Variants in ZC3H6 observed in about 807,000 individuals in gnomAD.
The protein encoded by ZC3H6 is zinc finger CCCH domain-containing protein 6.
In ZC3H6, 40 loss-of-function variants were observed where a neutral mutation model predicts 107.7. The ratio of observed to expected loss-of-function variants is 0.37; its 90% confidence interval spans 0.29 to 0.48. ZC3H6 has a LOEUF of 0.48. ZC3H6 is among the 20% of genes least tolerant of loss of function. The pLI is 0.98. For missense variants in ZC3H6, 1,267 were observed against 1,410.4 expected (o/e 0.90, Z 1.63); for synonymous variants, 493 against 487.9 (o/e 1.01, Z -0.14).
Position 112,275,725 on chromosome 2 carries a change from G to A in ZC3H6, c.-270G>A. On this transcript the variant is annotated 5_prime_UTR_variant, in exon 1 of 12. Coordinates refer to ENST00000409871, the MANE Select transcript of ZC3H6 (RefSeq NM_198581.3). ...CGCTCCCACGCCACAGCCACCGGCGGCGAATAGAGACTAGAGCGGCAGCGC... is the reference window on the plus strand; with the variant it reads ...CGCTCCCACGCCACAGCCACCGGCGACGAATAGAGACTAGAGCGGCAGCGC... The A allele has an allele frequency of 2.4e-6, 1 of 414,078 alleles. No homozygotes were observed. The allele number at this position is 414,078 out of a possible 1,614,324, so 25.7% of individuals were successfully genotyped here. A position where few individuals can be genotyped will look rare whatever the true frequency, so the allele number is the denominator to read the frequency against.
intron 8 of ZC3H6, among the ~76,000 whole-genome samples, chr2:112,322,209 C>CG (rs1419869651): frequency 1.3e-5 from 2 of 149,866 alleles, no homozygotes; most frequent in Non-Finnish European, 3.0e-5. Context: ...CTCTCTCTCT[C>CG]TGTCTCTTTT....
chr2:112,287,495 T>C (rs1202165073), intron 1 of ZC3H6, among the ~76,000 whole-genome samples: 9 of 152,242 alleles, frequency 5.9e-5, no homozygotes, highest in Non-Finnish European at 1.5e-5. Context: ...ATTTAAAAAT[T>C]CTTAATTTTC....
At chr2:112,276,851 G>A (rs965725187) in intron 1 of ZC3H6, among the ~76,000 whole-genome samples, 2 of 151,986 alleles carry the variant, frequency 1.3e-5, no homozygotes, top group Non-Finnish European at 2.9e-5. Context: ...GCGAAAGGGG[G>A]GCTTTCATTC....
chr2:112,339,180 C>T lies in ZC3H6; in HGVS notation c.*6692C>T, dbSNP rs1363882410. 6.6e-6 allele frequency: 1 copy of T among 151,998 alleles called. No individual in the cohort carries two copies. The highest frequency in any genetic ancestry group is 1.5e-5 in the Non-Finnish European group (1 of 67,992). The allele number at this position is 151,998 out of a possible 1,614,324, so 9.4% of individuals were successfully genotyped here. ...AAGTGCTGGCCTTACAGGCATGAGC[C>T]ACCACACCTGGCCTAGACTATACCT... On this transcript the variant is annotated 3_prime_UTR_variant, in exon 12 of 12. Coordinates refer to ENST00000409871, the MANE Select transcript of ZC3H6 (RefSeq NM_198581.3).
intron 11 of ZC3H6, among the ~76,000 whole-genome samples, chr2:112,328,405 A>T (rs919337085): frequency 1.3e-5 from 2 of 152,150 alleles, no homozygotes; most frequent in African/African-American, 4.8e-5. Flanking sequence ...ACTGCATTGA[A>T]TCTGTAGATT....
intron 9 of ZC3H6, 143 bp downstream of exon 9, chr2:112,323,045 C>T (rs1246182296): frequency 1.1e-6 from 1 of 910,556 alleles, no homozygotes; most frequent in Non-Finnish European, 1.6e-6. Flanking sequence ...ATTGTTGCTT[C>T]CACCTTTGTT....
intron 1 of ZC3H6, among the ~76,000 whole-genome samples, chr2:112,297,867 T>C (rs1573952693): frequency 6.6e-6 from 1 of 152,106 alleles, no homozygotes; most frequent in East Asian, 1.9e-4. Context: ...GTAATCCCGG[T>C]ATTTTGGGAG....
rs961384065 is a variant in ZC3H6 at position 112,332,547 on chromosome 2, T to C, written c.*59T>C. On this transcript the variant is annotated 3_prime_UTR_variant, in exon 12 of 12. Coordinates refer to ENST00000409871, the MANE Select transcript of ZC3H6 (RefSeq NM_198581.3). ...GTGACTATCTCAGTCCTCTGCTGTT[T>C]TGTAACTGGTTTACCTCTATAGTTT... 2.0e-6 allele frequency: 3 copies of C among 1,491,022 alleles called. No individual in the cohort carries two copies. Among genetic ancestry groups the C allele is most frequent in the Non-Finnish European group, 2.7e-6 (3 of 1,109,356 alleles). 92.4% of individuals were successfully genotyped at this position (1,491,022 alleles called of 1,614,324 possible). A position where few individuals can be genotyped will look rare whatever the true frequency, so the allele number is the denominator to read the frequency against.
At position 112,309,951 on chromosome 2, in the gene ZC3H6, AAAG is replaced by A. The variant is rs766934298; in HGVS notation, c.406_408del (p.Glu136del). On this transcript the variant is annotated inframe_deletion, in exon 4 of 12. Coordinates refer to ENST00000409871, the MANE Select transcript of ZC3H6 (RefSeq NM_198581.3). ...TCAACATAACAAAAAATTTAAAAGT[AAAG>A]AATATGATGAGTACAGCACCTACAG... 4.5e-4 allele frequency: 724 copies of A among 1,607,698 alleles called. 2 individuals carry two copies. The highest frequency in any genetic ancestry group is 4.3e-4 in the Non-Finnish European group (509 of 1,176,646).
intron 11 of ZC3H6, among the ~76,000 whole-genome samples, chr2:112,327,888 T>C: frequency 6.6e-6 from 1 of 152,032 alleles, no homozygotes; most frequent in Non-Finnish European, 1.5e-5. Flanking sequence ...TTTTGTTAGT[T>C]CATTTTTTTG....
chr2:112,330,005 G>A (rs185930887), intron 11 of ZC3H6, among the ~76,000 whole-genome samples: 5 of 151,958 alleles, frequency 3.3e-5, no homozygotes, highest in Admixed American at 1.3e-4. Context: ...TAGGCTTTAA[G>A]AGTAAGACTC....
intron 1 of ZC3H6, among the ~76,000 whole-genome samples, chr2:112,287,697 G>A (rs1198120915): frequency 2.0e-5 from 3 of 152,192 alleles, no homozygotes; most frequent in African/African-American, 4.8e-5. Context: ...CACCTCCCGG[G>A]TTCACGCTAT....
chr2:112,285,322 C>T (rs999422318), intron 1 of ZC3H6, among the ~76,000 whole-genome samples: 1 of 151,800 alleles, frequency 6.6e-6, no homozygotes, highest in Non-Finnish European at 1.5e-5. Context: ...ATGTAAAACA[C>T]CTCAAATTGG....
rs369171349 is a variant in ZC3H6 at position 112,331,074 on chromosome 2, C to T, written c.2156C>T (p.Thr719Ile). The T allele has an allele frequency of 6.9e-6, 11 of 1,597,468 alleles. No individual in the cohort carries two copies. The highest frequency in any genetic ancestry group is 2.3e-5 in the East Asian group (1 of 44,342). ...AGCAGTGTCAAATCAATACTGAAAACATTACAGAAACAAACAGAAACTTTA... is the reference window on the plus strand; with the variant it reads ...AGCAGTGTCAAATCAATACTGAAAATATTACAGAAACAAACAGAAACTTTA... The part of the protein sequence containing the change: ...EGSSVKSILK[T>I]LQKQTETLRN... The change falls in exon 12 of 12, where the codon ACA becomes ATA. Residue 719 changes from threonine (T) to isoleucine (I), a missense_variant. Physicochemically the swap from Thr to Ile is moderately conservative, Grantham distance 89 (BLOSUM62 -1). Coordinates refer to ENST00000409871, the MANE Select transcript of ZC3H6 (RefSeq NM_198581.3).
At chr2:112,318,096 T>G (rs1393086191) in intron 7 of ZC3H6, among the ~76,000 whole-genome samples, 1 of 152,208 alleles carries the variant, frequency 6.6e-6, no homozygotes, top group Non-Finnish European at 1.5e-5. Flanking sequence ...CTGATGTTTA[T>G]TTTTCCAGAT....
Position 112,322,793 on chromosome 2 carries a change from C to T in ZC3H6, c.1231C>T (p.Pro411Ser), listed in dbSNP as rs755027834. The change falls in exon 9 of 12, where the codon CCT becomes TCT. Residue 411 changes from proline to serine, a missense_variant. By Grantham distance (74) the Pro-to-Ser change is moderately conservative. Coordinates refer to ENST00000409871, the MANE Select transcript of ZC3H6 (RefSeq NM_198581.3). ...TPPEHFPFSDPEDDFQTDFSD... is the reference protein window; with the variant it reads ...TPPEHFPFSDSEDDFQTDFSD... Reference sequence around the variant, plus strand: ...TCCAGAGCATTTTCCCTTTTCTGATCCTGAAGACGATTTTCAGACAGATTT... The same window carrying T: ...TCCAGAGCATTTTCCCTTTTCTGATTCTGAAGACGATTTTCAGACAGATTT... 2.5e-6 allele frequency: 4 copies of T among 1,613,876 alleles called. No individual in the cohort carries two copies. The highest frequency in any genetic ancestry group is 2.2e-5 in the East Asian group (1 of 44,864).
rs1485171942 is a variant in ZC3H6, at chr2:112,338,541, T to G, written c.*6053T>G. On this transcript the variant is annotated 3_prime_UTR_variant, in exon 12 of 12. Coordinates refer to ENST00000409871, the MANE Select transcript of ZC3H6 (RefSeq NM_198581.3). ...CAGCGTTGTTTATTCTTGACCTTCT[T>G]GTTTTTTAAGCTTAGAGTTTATAAG... is the stretch of plus-strand genomic sequence containing the variant. 1 of 152,178 alleles carries G rather than the reference T, an allele frequency of 6.6e-6. No homozygotes were observed. Among genetic ancestry groups the G allele is most frequent in the Non-Finnish European group, 1.5e-5 (1 of 68,032 alleles). 9.4% of individuals were successfully genotyped at this position (152,178 alleles called of 1,614,324 possible).
At chr2:112,329,063 C>T (rs115447281) in intron 11 of ZC3H6, among the ~76,000 whole-genome samples, 2,491 of 151,864 alleles carry the variant, frequency 0.016, 69 homozygotes, top group African/African-American at 0.057. Flanking sequence ...TGGTAGTGTT[C>T]TATGGGAGTT....
rs1249059324 is a variant in ZC3H6, at chr2:112,291,308, A to G, written c.33-8541A>G. ...GAGTGCAGTGGCACGATCTCAGTTC[A>G]CTGCAATGTCTGTCTCCTGGGCTCA... On this transcript the variant is annotated intron_variant, in intron 1 of 11. Transcript: ENST00000409871. Among the ~76,000 whole-genome samples, 4 of 152,230 alleles carry G rather than the reference A, an allele frequency of 2.6e-5. No homozygotes were observed. In the East Asian group the frequency reaches 7.7e-4, roughly 29 times the overall value.
Sources: allele counts gnomAD v4.1 joint callset (sites outside exome capture counted in the v4.1 genomes callset), GRCh38; gene constraint gnomAD v4.1.1; transcripts MANE v1.5; gene names NCBI Gene and HGNC (gene_info 2026-07-23, HGNC 2026-07-21).